LRP8: variants seen among roughly 807,000 people sequenced by gnomAD.
LRP8 encodes low-density lipoprotein receptor-related protein 8.
In LRP8, 46 loss-of-function variants were observed where a neutral mutation model predicts 111.6. The observed-to-expected ratio is 0.41, with a 90% confidence interval of 0.33 to 0.53. The LOEUF (loss-of-function observed/expected upper bound fraction) is 0.53, where lower values mean the gene tolerates loss of function less well. Ranked by LOEUF, LRP8 falls within the 20% of genes least tolerant of loss-of-function variation. The pLI is 0.20. For synonymous variants in LRP8, 464 were observed against 511.2 expected (o/e 0.91, Z 1.24); for missense variants, 959 against 1,297.4 (o/e 0.74, Z 4.01).
At chr1:53,254,535 G>A (rs924656862) in intron 16 of LRP8, among the ~76,000 whole-genome samples, 2 of 151,964 alleles carry the variant, frequency 1.3e-5, no homozygotes, top group Non-Finnish European at 2.9e-5. Flanking sequence ...CTACCAGGTC[G>A]TAATGAACTT....
intron 2 of LRP8, among the ~76,000 whole-genome samples, chr1:53,325,857 T>C (rs945698717): frequency 2.6e-5 from 4 of 152,230 alleles, no homozygotes; most frequent in African/African-American, 9.6e-5. Flanking sequence ...TCCCGAATGA[T>C]GAATGAATGA....
In LRP8 at chr1:53,326,613, C is replaced by A. The variant is rs76094182; in HGVS notation, c.244+260G>T. Reference sequence around the variant, plus strand: ...CCGGTTCAGTCTCCCCAGCATGGTGCGCCTTCCTCCTCCGGCACACTGCCC... The same window carrying A: ...CCGGTTCAGTCTCCCCAGCATGGTGAGCCTTCCTCCTCCGGCACACTGCCC... On this transcript the variant is annotated intron_variant, in intron 2 of 18. Coordinates refer to ENST00000306052, the MANE Select transcript of LRP8 (RefSeq NM_004631.5). Among the ~76,000 whole-genome samples, 1,014 of 152,280 alleles carry A rather than the reference C, an allele frequency of 6.7e-3. 7 individuals carry two copies. Among genetic ancestry groups the A allele is most frequent in the African/African-American group, 0.024 (984 of 41,552 alleles).
intron 2 of LRP8, among the ~76,000 whole-genome samples, chr1:53,321,879 C>T (rs61604573): frequency 0.013 from 2,052 of 152,214 alleles, 45 homozygotes; most frequent in South Asian, 0.085. Flanking sequence ...GGAAGCCATC[C>T]GCTGCCCCTC....
chr1:53,289,362 T>C lies in LRP8; in HGVS notation c.367+205A>G. ...AGCTCCTGCTGCCACAGAAACAGGG[T>C]CCAACCTACAAGAGGGCTGTGAAGA... On this transcript the variant is annotated intron_variant, in intron 3 of 18. Coordinates refer to ENST00000306052, the MANE Select transcript of LRP8 (RefSeq NM_004631.5). The C allele has an allele frequency of 7.1e-6, 4 of 561,776 alleles. 1 individual carries two copies. The highest frequency in any genetic ancestry group is 1.1e-5 in the Non-Finnish European group (4 of 356,706). 34.8% of individuals were successfully genotyped at this position (561,776 alleles called of 1,614,324 possible).
chr1:53,294,646 G>A lies in LRP8; in HGVS notation c.245-4957C>T, dbSNP rs1649355808. Among the ~76,000 whole-genome samples, 1 of 152,228 alleles carries A rather than the reference G, an allele frequency of 6.6e-6. No homozygotes were observed. Among genetic ancestry groups the A allele is most frequent in the Admixed American group, 6.5e-5 (1 of 15,288 alleles). On this transcript the variant is annotated intron_variant, in intron 2 of 18. Transcript: ENST00000306052. This position sits in a 1 kb window ranked among gnomAD's most constrained non-coding sequence, Gnocchi z 4.1. ...ACAGCCCTGGCCCCAGCTGCCGTGTGTGTAACACTGGGCCCATCCGTCAAA... is the reference window on the plus strand; with the variant it reads ...ACAGCCCTGGCCCCAGCTGCCGTGTATGTAACACTGGGCCCATCCGTCAAA...
chr1:53,262,712 A>G lies in LRP8; in HGVS notation c.1656-148T>C. 1.4e-6 allele frequency: 1 copy of G among 692,588 alleles called. No homozygotes were observed. Among genetic ancestry groups the G allele is most frequent in the Non-Finnish European group, 2.6e-6 (1 of 389,664 alleles). The allele number at this position is 692,588 out of a possible 1,614,324, so 42.9% of individuals were successfully genotyped here. A position where few individuals can be genotyped will look rare whatever the true frequency, so the allele number is the denominator to read the frequency against. On this transcript the variant is annotated intron_variant, in intron 10 of 18. Transcript: ENST00000306052. This position sits in a 1 kb window ranked among gnomAD's most constrained non-coding sequence, Gnocchi z 4.8. ...CTCTAAAGTTCTTTTGAACCATCAA[A>G]TCTTAGATTTAGCAGGCACTTTAGC...
chr1:53,260,873 C>T (rs1646308843), intron 12 of LRP8, among the ~76,000 whole-genome samples: 1 of 152,204 alleles, frequency 6.6e-6, no homozygotes, highest in African/African-American at 2.4e-5. Flanking sequence ...AGCCTGCTTG[C>T]TAGAGCCCAG....
rs1646558861 is a variant in LRP8, at chr1:53,266,433, C to G, written c.1427+40G>C. 1 of 1,602,086 alleles carries G rather than the reference C, an allele frequency of 6.2e-7. No homozygotes were observed. The highest frequency in any genetic ancestry group is 8.5e-7 in the Non-Finnish European group (1 of 1,170,896). On this transcript the variant is annotated intron_variant, in intron 9 of 18. Coordinates refer to ENST00000306052, the MANE Select transcript of LRP8 (RefSeq NM_004631.5). This position sits in a 1 kb window ranked among gnomAD's most constrained non-coding sequence, Gnocchi z 5.0. ...CCTCACCTGTCACCACCCCTCACCC[C>G]CACTCTTCATGCCTTGCTGCAGAGG...
chr1:53,300,640 C>T (rs866247410), intron 2 of LRP8, among the ~76,000 whole-genome samples: 24 of 152,348 alleles, frequency 1.6e-4, no homozygotes, highest in Middle Eastern at 3.4e-3. Flanking sequence ...AGAAGTCATC[C>T]CAGCAGCTCA....
At chr1:53,327,095 G>A in intron 1 of LRP8, 103 bp from the exon 2 acceptor site, 2 of 1,504,888 alleles carry the variant, frequency 1.3e-6, no homozygotes, top group South Asian at 1.3e-5. Flanking sequence ...GAGGAAAGGG[G>A]GCGATTATGG....
At chr1:53,322,039 G>A (rs991457165) in intron 2 of LRP8, among the ~76,000 whole-genome samples, 2 of 152,066 alleles carry the variant, frequency 1.3e-5, no homozygotes, top group Admixed American at 6.5e-5. Context: ...CAGGAGCAGG[G>A]GAAGCAAGGG....
intron 3 of LRP8, chr1:53,289,235 A>C: frequency 4.9e-6 from 1 of 205,706 alleles, no homozygotes; most frequent in Non-Finnish European, 9.9e-6. Flanking sequence ...TGCCACTGGC[A>C]CTCCTGGAAT....
chr1:53,313,867 C>G (rs59861787), intron 2 of LRP8, among the ~76,000 whole-genome samples: 203 of 152,306 alleles, frequency 1.3e-3, no homozygotes, highest in African/African-American at 4.8e-3. Flanking sequence ...AGCTTTGCAT[C>G]TCTCAGAGCA....
intron 15 of LRP8, among the ~76,000 whole-genome samples, chr1:53,256,040 A>G (rs939535679): frequency 3.9e-5 from 6 of 152,248 alleles, no homozygotes; most frequent in Non-Finnish European, 8.8e-5. Context: ...TTGAAAAACT[A>G]TGCCATGCCA....
chr1:53,274,122 A>C (rs1482379379), intron 6 of LRP8, among the ~76,000 whole-genome samples: 1 of 152,160 alleles, frequency 6.6e-6, no homozygotes, highest in Non-Finnish European at 1.5e-5. Context: ...CAGGGCAGCC[A>C]CTTCCATCCA....
At position 53,280,763 on chromosome 1, in the gene LRP8, G is replaced by T. The variant is rs777374983; in HGVS notation, c.368-48C>A. On this transcript the variant is annotated intron_variant, in intron 3 of 18. Coordinates refer to ENST00000306052, the MANE Select transcript of LRP8 (RefSeq NM_004631.5). ...ATAGCTTAGCCAAGGGGGACACAGG[G>T]CATGGTGCCAACCAGTCCTACCACC... is the stretch of plus-strand genomic sequence containing the variant. 8.1e-6 allele frequency: 13 copies of T among 1,601,170 alleles called. No individual in the cohort carries two copies. The East Asian group carries it at 2.9e-4, about 36-fold the overall frequency.
In LRP8 at chr1:53,264,229, C is replaced by A. The variant is rs758211330; in HGVS notation, c.1595G>T (p.Arg532Leu). ...SVATVDGGRR[R>L]TLFSRNLSEP... ...ACTGAGGTTACGGCTGAAGAGAGTG[C>A]GTCGGCGGCCACCATCAACTGTGGC... is the stretch of plus-strand genomic sequence containing the variant. Residue 532 changes from arginine to leucine, a missense_variant, in exon 10 of 19, where the codon CGC (arginine) becomes CTC (leucine). Physicochemically the swap from Arg to Leu is moderately radical, Grantham distance 102. Transcript: ENST00000306052. 6 of 1,614,020 alleles carry A rather than the reference C, an allele frequency of 3.7e-6. No homozygotes were observed. The highest frequency in any genetic ancestry group is 2.5e-6 in the Non-Finnish European group (3 of 1,180,000).
chr1:53,295,910 G>T (rs1649624496), intron 2 of LRP8, among the ~76,000 whole-genome samples: 1 of 152,230 alleles, frequency 6.6e-6, no homozygotes, highest in Non-Finnish European at 1.5e-5. Context: ...TAGATGAGGT[G>T]CAGAGAAGGG....
At chr1:53,289,070 C>T (rs991520158) in intron 3 of LRP8, among the ~76,000 whole-genome samples, 1 of 152,192 alleles carries the variant, frequency 6.6e-6, no homozygotes, top group Non-Finnish European at 1.5e-5. Context: ...GGCTGGGTAG[C>T]CTTGGGCAAG....
Sources: allele counts gnomAD v4.1 joint callset (sites outside exome capture counted in the v4.1 genomes callset), GRCh38; gene constraint gnomAD v4.1.1; non-coding constraint Gnocchi (gnomAD v3.1); transcripts MANE v1.5; gene names NCBI Gene and HGNC (gene_info 2026-07-23, HGNC 2026-07-21).